Variants in PCBP3 observed in about 807,000 individuals in gnomAD.
PCBP3 encodes the protein poly(rC) binding protein 3, also known as poly(rC)-binding protein 3.
PCBP3 carries 25 observed loss-of-function variants against 52.7 expected under a neutral mutation model. The observed-to-expected ratio is 0.47, with a 90% confidence interval of 0.35 to 0.66. The LOEUF is 0.66. Among genes scored for constraint, PCBP3 ranks in the 30% least tolerant of loss-of-function variants. PCBP3 has a pLI of 0.01. For missense variants in PCBP3, 391 were observed against 490.3 expected (o/e 0.80, Z 1.91); for synonymous variants, 162 against 183.0 (o/e 0.89, Z 0.93).
chr21:45,815,663 GTGAGTGA>G (rs1420177838), intron 4 of PCBP3, among the ~76,000 whole-genome samples: 4 of 54,966 alleles, frequency 7.3e-5, no homozygotes, highest in Admixed American at 1.7e-4. Context: ...GTGGTGAGTG[GTGAGTGA>G]TGAGTGAGTG....
At chr21:45,909,529 G>C in intron 10 of PCBP3, 43 bp downstream of exon 10, 5 of 1,596,228 alleles carry the variant, frequency 3.1e-6, no homozygotes, top group Non-Finnish European at 4.3e-6. Flanking sequence ...GAGCCTCTAG[G>C]CGGGCTGCGG....
At chr21:45,662,001 GTTGT>G (rs1297756565) in intron 1 of PCBP3, among the ~76,000 whole-genome samples, 7 of 151,844 alleles carry the variant, frequency 4.6e-5, no homozygotes, top group African/African-American at 1.2e-4. Context: ...TTCTTGTCGA[GTTGT>G]TTGAGTTTCT....
At position 45,929,904 on chromosome 21, in the gene PCBP3, C is replaced by A; in HGVS notation, c.718-13C>A. 6.2e-7 allele frequency: 1 copy of A among 1,609,252 alleles called. No homozygotes were observed. Among genetic ancestry groups the A allele is most frequent in the Non-Finnish European group, 8.5e-7 (1 of 1,175,822 alleles). ...CAATAACCTTCTTAGCTCTCGTGTC[C>A]CTCCTACCCCAGCAGTTGACCAAGC... On this transcript the variant is annotated splice_polypyrimidine_tract_variant and intron_variant, in intron 13 of 17. Transcript: ENST00000681687.
chr21:45,891,434 C>T (rs1006513667), intron 5 of PCBP3, among the ~76,000 whole-genome samples: 2 of 152,206 alleles, frequency 1.3e-5, no homozygotes, highest in Non-Finnish European at 2.9e-5. Context: ...TTTATATGCT[C>T]AGCAGCGTGG....
chr21:45,847,316 C>T (rs552569593), intron 4 of PCBP3, among the ~76,000 whole-genome samples: 1 of 152,156 alleles, frequency 6.6e-6, no homozygotes, highest in South Asian at 2.1e-4. Flanking sequence ...ATTCATCTAC[C>T]TCTGATTTAT....
chr21:45,655,453 T>A (rs1185763580), intron 1 of PCBP3, among the ~76,000 whole-genome samples: 1 of 152,186 alleles, frequency 6.6e-6, no homozygotes, highest in African/African-American at 2.4e-5. Flanking sequence ...GTTTTTTGAT[T>A]ATAGCCATGT....
At position 45,929,209 on chromosome 21, in the gene PCBP3, A is replaced by G. The variant is rs913490030; in HGVS notation, c.718-708A>G. On this transcript the variant is annotated intron_variant, in intron 13 of 17. Coordinates refer to ENST00000681687, the MANE Select transcript of PCBP3 (RefSeq NM_001384156.1). ...GGATGGGAGGAGAAGGGCTGGGGGC[A>G]GCCTGCAGGGACCGGGGACACAGGC... 2.6e-5 allele frequency among the ~76,000 whole-genome samples: 4 copies of G among 152,334 alleles called. No individual in the cohort carries two copies. The East Asian group carries it at 7.7e-4, about 29-fold the overall frequency.
intron 4 of PCBP3, among the ~76,000 whole-genome samples, chr21:45,786,037 T>A (rs1219584857): frequency 1.3e-5 from 2 of 149,776 alleles, no homozygotes; most frequent in Non-Finnish European, 3.0e-5. Context: ...CCAGAGACCT[T>A]TGTTCACTTG....
rs148688797 is a variant in PCBP3 at position 45,864,567 on chromosome 21, T to C, written c.10+14472T>C. On this transcript the variant is annotated intron_variant, in intron 5 of 17. Transcript: ENST00000681687. The stretch of plus-strand genomic sequence containing the variant: ...GCTCAGGATCCTTCTGGTGAACGTA[T>C]TTTGGCAGTTGTGAGTACAATAGAG... Among the ~76,000 whole-genome samples, 30 of 152,354 alleles carry C rather than the reference T, an allele frequency of 2.0e-4. 1 individual carries two copies. The East Asian group carries it at 5.2e-3, about 26-fold the overall frequency.
chr21:45,773,097 C>G (rs1448040876), intron 4 of PCBP3, among the ~76,000 whole-genome samples: 1 of 152,044 alleles, frequency 6.6e-6, no homozygotes, highest in Non-Finnish European at 1.5e-5. Context: ...TTCCATTTGT[C>G]TATTTTTGTT....
At chr21:45,900,288 A>C (rs946346232) in intron 7 of PCBP3, among the ~76,000 whole-genome samples, 36 of 152,300 alleles carry the variant, frequency 2.4e-4, no homozygotes, top group Non-Finnish European at 4.0e-4. Flanking sequence ...GCACACTGCC[A>C]TGTGCCATGA....
At chr21:45,851,552 GA>G (rs1431677376) in intron 5 of PCBP3, among the ~76,000 whole-genome samples, 2 of 151,858 alleles carry the variant, frequency 1.3e-5, no homozygotes, top group Non-Finnish European at 2.9e-5. Flanking sequence ...GGTGACAGTC[GA>G]TGGAACAGAA....
intron 2 of PCBP3, among the ~76,000 whole-genome samples, chr21:45,677,680 G>A (rs2147441044): frequency 6.6e-6 from 1 of 152,268 alleles, no homozygotes; most frequent in South Asian, 2.1e-4. Context: ...CTTTTGTTAG[G>A]GCCTAATGCA....
intron 1 of PCBP3, among the ~76,000 whole-genome samples, chr21:45,654,710 C>T (rs1023088730): frequency 5.9e-5 from 9 of 152,070 alleles, no homozygotes; most frequent in East Asian, 1.9e-4. Context: ...TTTACTTAAA[C>T]GTTTTGTGGG....
At position 45,836,702 on chromosome 21, in the gene PCBP3, C is replaced by T. The variant is rs531814625; in HGVS notation, c.-125-13259C>T. Among the ~76,000 whole-genome samples, 10 of 152,078 alleles carry T rather than the reference C, an allele frequency of 6.6e-5. No homozygotes were observed. In the East Asian group the frequency reaches 1.5e-3, roughly 23 times the overall value. On this transcript the variant is annotated intron_variant, in intron 4 of 17. Coordinates refer to ENST00000681687, the MANE Select transcript of PCBP3 (RefSeq NM_001384156.1). Reference sequence around the variant, plus strand: ...GCCGTGGGTGCTTCCTCTTCTTTACCGTGATCCTGCATTTTGTTTTCTCAT... The same window carrying T: ...GCCGTGGGTGCTTCCTCTTCTTTACTGTGATCCTGCATTTTGTTTTCTCAT...
chr21:45,657,858 T>C (rs536601515), intron 1 of PCBP3, among the ~76,000 whole-genome samples: 1 of 152,350 alleles, frequency 6.6e-6, no homozygotes, highest in East Asian at 1.9e-4. Flanking sequence ...TCTGCAGATA[T>C]AGATACTTTT....
intron 9 of PCBP3, among the ~76,000 whole-genome samples, chr21:45,906,198 C>T (rs1359868696): frequency 6.6e-6 from 1 of 152,198 alleles, no homozygotes; most frequent in Non-Finnish European, 1.5e-5. Context: ...AGCGTGAACA[C>T]CCACCACCAT....
chr21:45,826,800 C>CT (rs1382277385), intron 4 of PCBP3, among the ~76,000 whole-genome samples: 2 of 152,330 alleles, frequency 1.3e-5, no homozygotes, highest in East Asian at 3.9e-4. Flanking sequence ...CTAACAAACT[C>CT]TGTTCTCTCT....
intron 2 of PCBP3, among the ~76,000 whole-genome samples, chr21:45,720,124 G>T (rs1204196339): frequency 6.6e-6 from 1 of 152,160 alleles, no homozygotes; most frequent in African/African-American, 2.4e-5. Context: ...GAACATGCAG[G>T]TTTGTTACAT....
Sources: allele counts gnomAD v4.1 joint callset (sites outside exome capture counted in the v4.1 genomes callset), GRCh38; gene constraint gnomAD v4.1.1; transcripts MANE v1.5; gene names NCBI Gene and HGNC (gene_info 2026-07-23, HGNC 2026-07-21).